NRG3: variants seen among roughly 807,000 people sequenced by gnomAD.
The protein encoded by NRG3 is pro-neuregulin-3, membrane-bound isoform.
In NRG3, 31 loss-of-function variants were observed where a neutral mutation model predicts 66.9. That is an observed-to-expected ratio of 0.46 (90% CI 0.35 to 0.63). NRG3 has a LOEUF of 0.63. NRG3 is among the 20% of genes least tolerant of loss of function. The pLI, the probability that NRG3 is intolerant of heterozygous loss-of-function variation, is 0.00. For synonymous variants in NRG3, 393 were observed against 359.4 expected (o/e 1.09, Z -1.06); for missense variants, 910 against 878.9 (o/e 1.04, Z -0.45).
intron 1 of NRG3, among the ~76,000 whole-genome samples, chr10:82,202,823 G>A (rs980239771): frequency 2.0e-5 from 3 of 152,176 alleles, no homozygotes; most frequent in Non-Finnish European, 2.9e-5. Flanking sequence ...AAGGAGGGAC[G>A]TGGGAAGATC....
intron 1 of NRG3, among the ~76,000 whole-genome samples, chr10:81,918,855 T>C (rs866078748): frequency 6.6e-6 from 1 of 150,902 alleles, no homozygotes; most frequent in Admixed American, 6.6e-5. Context: ...GCCATAAGCA[T>C]TGAATAGAAT....
At chr10:82,181,815 C>T (rs747822145) in intron 1 of NRG3, among the ~76,000 whole-genome samples, 28 of 151,750 alleles carry the variant, frequency 1.8e-4, no homozygotes, top group South Asian at 2.1e-4. Context: ...TATTGATCTT[C>T]TGTCTGAATG....
intron 2 of NRG3, among the ~76,000 whole-genome samples, chr10:82,544,498 A>C (rs1484910997): frequency 2.0e-5 from 3 of 152,178 alleles, no homozygotes; most frequent in African/African-American, 4.8e-5. Flanking sequence ...TGATTTAGCC[A>C]ATGGGATATT....
intron 2 of NRG3, among the ~76,000 whole-genome samples, chr10:82,688,741 C>T (rs1193619630): frequency 1.3e-5 from 2 of 150,770 alleles, no homozygotes; most frequent in African/African-American, 4.9e-5. Context: ...ATGGCATTCT[C>T]CTAGAACAAA....
chr10:82,017,296 G>A (rs1428660046), intron 1 of NRG3, among the ~76,000 whole-genome samples: 1 of 152,162 alleles, frequency 6.6e-6, no homozygotes, highest in Non-Finnish European at 1.5e-5. Context: ...AGTATTCCAT[G>A]GTGTATATGT....
chr10:82,175,881 G>A (rs1442160702), intron 1 of NRG3, among the ~76,000 whole-genome samples: 3 of 152,080 alleles, frequency 2.0e-5, no homozygotes, highest in African/African-American at 7.2e-5. Context: ...CATTTCATTT[G>A]ATTTCTACAG....
intron 1 of NRG3, among the ~76,000 whole-genome samples, chr10:81,882,776 T>G (rs1431884843): frequency 6.6e-6 from 1 of 152,130 alleles, no homozygotes; most frequent in Non-Finnish European, 1.5e-5. Flanking sequence ...AGATTATTGT[T>G]CTTATATGCC....
chr10:82,034,373 C>T (rs1176133252), intron 1 of NRG3, among the ~76,000 whole-genome samples: 1 of 152,056 alleles, frequency 6.6e-6, no homozygotes, highest in Non-Finnish European at 1.5e-5. Context: ...GTGGAGGTGT[C>T]TTGGAAACCG....
intron 2 of NRG3, among the ~76,000 whole-genome samples, chr10:82,523,193 C>T (rs1254795832): frequency 6.6e-6 from 1 of 152,126 alleles, no homozygotes; most frequent in Non-Finnish European, 1.5e-5. Flanking sequence ...CACATTTTGG[C>T]TATTATGAAT....
chr10:82,354,526 G>C (rs1363792153), intron 1 of NRG3, among the ~76,000 whole-genome samples: 2 of 151,832 alleles, frequency 1.3e-5, no homozygotes, highest in African/African-American at 4.8e-5. Flanking sequence ...AAGTAACTGT[G>C]AATACAGGTG....
intron 1 of NRG3, among the ~76,000 whole-genome samples, chr10:82,124,199 G>A (rs2068277017): frequency 1.3e-5 from 2 of 151,940 alleles, no homozygotes; most frequent in African/African-American, 2.4e-5. Flanking sequence ...GAATAGGATA[G>A]CGTTATGGAG....
intron 2 of NRG3, among the ~76,000 whole-genome samples, chr10:82,677,432 T>C (rs1489066130): frequency 6.6e-6 from 1 of 152,184 alleles, no homozygotes; most frequent in East Asian, 1.9e-4. Flanking sequence ...ACTATGCACT[T>C]TTTGGTACTG....
chr10:82,548,305 T>C (rs1360088654), intron 2 of NRG3, among the ~76,000 whole-genome samples: 1 of 152,076 alleles, frequency 6.6e-6, no homozygotes, highest in East Asian at 1.9e-4. Flanking sequence ...ACAAGGGAAC[T>C]TTCCTTGACT....
intron 2 of NRG3, among the ~76,000 whole-genome samples, chr10:82,467,964 T>C (rs1377601437): frequency 1.3e-5 from 2 of 152,150 alleles, no homozygotes; most frequent in South Asian, 2.1e-4. Flanking sequence ...ATAACTGTTA[T>C]ATGATCACAT....
intron 1 of NRG3, among the ~76,000 whole-genome samples, chr10:81,932,208 GAA>G (rs769840429): frequency 3.7e-3 from 466 of 126,946 alleles, no homozygotes; most frequent in Middle Eastern, 0.011. Context: ...GAGATTGAGA[GAA>G]AGAGAGAGAG....
chr10:82,490,503 G>A (rs73307835), intron 2 of NRG3, among the ~76,000 whole-genome samples: 2 of 152,140 alleles, frequency 1.3e-5, no homozygotes, highest in Non-Finnish European at 2.9e-5. Context: ...TCACACAGGA[G>A]CATCTTTTTT....
intron 3 of NRG3, among the ~76,000 whole-genome samples, chr10:82,772,704 CTT>C (rs745609399): frequency 6.8e-4 from 76 of 111,678 alleles, no homozygotes; most frequent in African/African-American, 2.5e-3. Context: ...GCTTCCATAT[CTT>C]TTTTTTTTTT....
At position 82,486,222 on chromosome 10, in the gene NRG3, G is replaced by A. The variant is rs997247783; in HGVS notation, c.953+127354G>A. The stretch of plus-strand genomic sequence containing the variant: ...ATATTATTGGTGGGACTGTAAAATA[G>A]TGCAGCTACTACTGAAAACAGTATG... On this transcript the variant is annotated intron_variant, in intron 2 of 8. Transcript: ENST00000372141. 3.3e-5 allele frequency among the ~76,000 whole-genome samples: 5 copies of A among 152,180 alleles called. No homozygotes were observed. The South Asian group carries it at 1.0e-3, about 32-fold the overall frequency.
chr10:82,814,971 C>T (rs1232284827), intron 3 of NRG3, among the ~76,000 whole-genome samples: 2 of 152,128 alleles, frequency 1.3e-5, no homozygotes, highest in African/African-American at 2.4e-5. Flanking sequence ...GATCACAGAG[C>T]TACTCAGTAC....
Sources: allele counts gnomAD v4.1 joint callset (sites outside exome capture counted in the v4.1 genomes callset), GRCh38; gene constraint gnomAD v4.1.1; transcripts MANE v1.5; gene names NCBI Gene and HGNC (gene_info 2026-07-23, HGNC 2026-07-21).